Variants in FAM131A observed in about 807,000 individuals in gnomAD.
FAM131A encodes the protein protein FAM131A.
FAM131A carries 24 observed loss-of-function variants against 39.2 expected under a neutral mutation model. That is an observed-to-expected ratio of 0.61 (90% CI 0.44 to 0.86). The LOEUF (loss-of-function observed/expected upper bound fraction) is 0.86, where lower values mean the gene tolerates loss of function less well. Among genes scored for constraint, FAM131A ranks in the 40% least tolerant of loss-of-function variants. FAM131A has a pLI of 0.00. For missense variants in FAM131A, 373 were observed against 481.2 expected, an observed-to-expected ratio of 0.78 and a Z score of 2.10; for synonymous variants, 202 against 206.8, an observed-to-expected ratio of 0.98 and a Z score of 0.20.
chr3:184,344,984 T>G lies in FAM131A; in HGVS notation c.*14T>G, dbSNP rs2108549789. 1 of 1,511,772 alleles carries G rather than the reference T, an allele frequency of 6.6e-7. No homozygotes were observed. The highest frequency in any genetic ancestry group is 2.1e-5 in the Admixed American group (1 of 48,406). 93.6% of individuals were successfully genotyped at this position (1,511,772 alleles called of 1,614,324 possible). A position where few individuals can be genotyped will look rare whatever the true frequency, so the allele number is the denominator to read the frequency against. On this transcript the variant is annotated 3_prime_UTR_variant, in exon 6 of 6. Transcript: ENST00000383847. The stretch of plus-strand genomic sequence containing the variant: ...GAGGAACAGTGACCCACATCATGCC[T>G]GGCAGTGGCATGCATCCCCCGGCTG...
rs778542871 is a variant in FAM131A, at chr3:184,344,485, C to A, written c.626-10C>A. 9.9e-6 allele frequency: 15 copies of A among 1,515,672 alleles called. No individual in the cohort carries two copies. Among genetic ancestry groups the A allele is most frequent in the Non-Finnish European group, 1.2e-5 (14 of 1,133,018 alleles). 93.9% of individuals were successfully genotyped at this position (1,515,672 alleles called of 1,614,324 possible). Reference sequence around the variant, plus strand: ...CAGCAGGACTGTCTTCTTTTCTCTTCTCCTCACAGACATGGCTGGGCAGCT... The same window carrying A: ...CAGCAGGACTGTCTTCTTTTCTCTTATCCTCACAGACATGGCTGGGCAGCT... On this transcript the variant is annotated splice_polypyrimidine_tract_variant and intron_variant, in intron 5 of 5. Transcript: ENST00000383847.
intron 2 of FAM131A, chr3:184,339,552 T>C (rs7620978): frequency 0.78 from 119,546 of 152,326 alleles, 47,655 homozygotes; most frequent in African/African-American, 0.92. Flanking sequence ...CCTCTGCCTC[T>C]GGGGTTCAAG....
intron 2 of FAM131A, chr3:184,339,410 T>G (rs2108542307): frequency 6.6e-6 from 1 of 152,398 alleles, no homozygotes; most frequent in South Asian, 2.1e-4. Flanking sequence ...GGCGGGCTGC[T>G]TGCTGACAGG....
In FAM131A at chr3:184,342,238, C is replaced by T; in HGVS notation, c.498C>T (p.Arg166=). 1.9e-6 allele frequency: 3 copies of T among 1,604,002 alleles called. No individual in the cohort carries two copies. Among genetic ancestry groups the T allele is most frequent in the South Asian group, 2.2e-5 (2 of 90,518 alleles). ...SDLSEGEQEA[R]FAAGVAEQFA... ...TCAGCGAGGGCGAACAAGAGGCTCGCTTTGCAGCAGGTGGATGGCAGAAAG... is the reference window on the plus strand; with the variant it reads ...TCAGCGAGGGCGAACAAGAGGCTCGTTTTGCAGCAGGTGGATGGCAGAAAG... The change falls in exon 4 of 6, where the codon CGC becomes CGT. Residue 166 remains arginine (R), a synonymous_variant. Coordinates refer to ENST00000383847, the MANE Select transcript of FAM131A (RefSeq NM_144635.5). The surrounding 1 kb of genome is among the most constrained non-coding windows in gnomAD (Gnocchi z 4.6).
intron 1 of FAM131A, among the ~76,000 whole-genome samples, 179 bp from the exon 2 acceptor site, chr3:184,338,208 G>A (rs1177809726): frequency 6.6e-6 from 1 of 152,102 alleles, no homozygotes; most frequent in Non-Finnish European, 1.5e-5. Flanking sequence ...TGGCCCCAGG[G>A]GCCCGAGGGT....
Position 184,345,637 on chromosome 3 carries a change from G to T in FAM131A, c.*667G>T, listed in dbSNP as rs1442991698. 1.4e-6 allele frequency: 1 copy of T among 698,206 alleles called. No homozygotes were observed. The highest frequency in any genetic ancestry group is 2.0e-5 in the Admixed American group (1 of 49,050). The allele number at this position is 698,206 out of a possible 1,614,324, so 43.3% of individuals were successfully genotyped here. Reference sequence around the variant, plus strand: ...TCTGGGAGGCTTTGGAATGATGAAAGCATGTACCCTCCACCCTTTTCCTGG... The same window carrying T: ...TCTGGGAGGCTTTGGAATGATGAAATCATGTACCCTCCACCCTTTTCCTGG... On this transcript the variant is annotated 3_prime_UTR_variant, in exon 6 of 6. Coordinates refer to ENST00000383847, the MANE Select transcript of FAM131A (RefSeq NM_144635.5).
At chr3:184,341,147 C>A in intron 2 of FAM131A, 1 of 161,110 alleles carries the variant, frequency 6.2e-6, no homozygotes, top group South Asian at 1.8e-4. Context: ...GTCTTATCAA[C>A]AGATATGGGC....
upstream of FAM131A, among the ~76,000 whole-genome samples, chr3:184,336,660 G>A (rs559490706): frequency 2.0e-5 from 3 of 152,352 alleles, no homozygotes; most frequent in African/African-American, 4.8e-5. The surrounding 1 kb of genome is among the most constrained non-coding windows in gnomAD (Gnocchi z 5.5). Flanking sequence ...GTCAGTCGGC[G>A]AAGGGGGACT....
intron 2 of FAM131A, chr3:184,340,286 G>C (rs1160627563): frequency 6.8e-6 from 1 of 147,216 alleles, no homozygotes; most frequent in Non-Finnish European, 1.5e-5. Context: ...TTACAGGCGT[G>C]AGCCACCACG....
chr3:184,344,540 T>A lies in FAM131A; in HGVS notation c.671T>A (p.Phe224Tyr). Reference protein sequence around the residue: ...LPLGPHLQDLFTGHRFSRPVR... With the variant: ...LPLGPHLQDLYTGHRFSRPVR... The stretch of plus-strand genomic sequence containing the variant: ...CTGGGGCCGCACCTCCAGGACCTGT[T>A]CACCGGCCACCGGTTCTCCCGGCCT... The change falls in exon 6 of 6, where the codon TTC becomes TAC. Residue 224 changes from phenylalanine to tyrosine, a missense_variant. Transcript: ENST00000383847. 1 of 1,579,680 alleles carries A rather than the reference T, an allele frequency of 6.3e-7. No individual in the cohort carries two copies. The highest frequency in any genetic ancestry group is 8.6e-7 in the Non-Finnish European group (1 of 1,161,568).
rs1453192787 is a variant in FAM131A, at chr3:184,345,107, G to A, written c.*137G>A. 1 of 842,674 alleles carries A rather than the reference G, an allele frequency of 1.2e-6. No homozygotes were observed. Among genetic ancestry groups the A allele is most frequent in the Admixed American group, 3.1e-5 (1 of 31,792 alleles). 52.2% of individuals were successfully genotyped at this position (842,674 alleles called of 1,614,324 possible). Reference sequence around the variant, plus strand: ...TCCTGGGAGCGCTCGCTTCTCCGTTGTGTGTTTTGCATGAAAGTGTTTGGA... The same window carrying A: ...TCCTGGGAGCGCTCGCTTCTCCGTTATGTGTTTTGCATGAAAGTGTTTGGA... On this transcript the variant is annotated 3_prime_UTR_variant, in exon 6 of 6. Transcript: ENST00000383847.
Position 184,344,531 on chromosome 3 carries a change from A to G in FAM131A, c.662A>G (p.Gln221Arg). 6.4e-7 allele frequency: 1 copy of G among 1,569,386 alleles called. No homozygotes were observed. The highest frequency in any genetic ancestry group is 8.6e-7 in the Non-Finnish European group (1 of 1,156,218). ...AGQLPLGPHL[Q>R]DLFTGHRFSR... ...CAGCTGCCCCTGGGGCCGCACCTCC[A>G]GGACCTGTTCACCGGCCACCGGTTC... The change falls in exon 6 of 6, where the codon CAG becomes CGG. Residue 221 changes from glutamine to arginine, a missense_variant. Physicochemically the swap from Gln to Arg is conservative, Grantham distance 43. Around this residue, in one of 2 missense-constraint regions of FAM131A, gnomAD observed 221 missense variants for 347.7 expected, o/e 0.64. Transcript: ENST00000383847.
intron 5 of FAM131A, among the ~76,000 whole-genome samples, chr3:184,343,517 C>CCA (rs1301749749): frequency 6.6e-6 from 1 of 152,236 alleles, no homozygotes; most frequent in Non-Finnish European, 1.5e-5. Flanking sequence ...GTCTCACAGG[C>CCA]CACCATTCCC....
Position 184,342,893 on chromosome 3 carries a change from A to G in FAM131A, c.625+33A>G, listed in dbSNP as rs771348837. The G allele has an allele frequency of 1.1e-5, 17 of 1,561,974 alleles. No individual in the cohort carries two copies. Among genetic ancestry groups the G allele is most frequent in the Non-Finnish European group, 1.5e-5 (17 of 1,134,340 alleles). On this transcript the variant is annotated intron_variant, in intron 5 of 5. Coordinates refer to ENST00000383847, the MANE Select transcript of FAM131A (RefSeq NM_144635.5). This position sits in a 1 kb window ranked among gnomAD's most constrained non-coding sequence, Gnocchi z 4.6. ...ACATCCTGGGCTAGGGCTGTGGTGG[A>G]CCCACCTGATAGACCTTGGCATTCT... is the stretch of plus-strand genomic sequence containing the variant.
At chr3:184,341,284 T>G in intron 2 of FAM131A, 2 of 210,616 alleles carry the variant, frequency 9.5e-6, no homozygotes, top group South Asian at 7.4e-5. Flanking sequence ...GGTGTGGGGG[T>G]TTGGTTTCCA....
In FAM131A at chr3:184,337,652, G is replaced by T. The variant is rs1727180384; in HGVS notation, c.22G>T (p.Gly8Cys). Reference protein sequence around the residue: MPMISVLGKMFLWQREGP... With the variant: MPMISVLCKMFLWQREGP... ...CAGCATGCCTATGATTTCTGTGCTG[G>T]GCAAAATGTTTCTGTGGCAGCGTGA... The change falls in exon 1 of 6, where the codon GGC becomes TGC. Residue 8 changes from glycine to cysteine, a missense_variant. Around this residue, in one of 2 missense-constraint regions of FAM131A, gnomAD observed 221 missense variants for 347.7 expected, o/e 0.64. Transcript: ENST00000383847. 6.5e-7 allele frequency: 1 copy of T among 1,537,152 alleles called. No individual in the cohort carries two copies. Among genetic ancestry groups the T allele is most frequent in the Admixed American group, 2.0e-5 (1 of 50,980 alleles).
In FAM131A at chr3:184,345,457, C is replaced by G; in HGVS notation, c.*487C>G. On this transcript the variant is annotated 3_prime_UTR_variant, in exon 6 of 6. Coordinates refer to ENST00000383847, the MANE Select transcript of FAM131A (RefSeq NM_144635.5). Reference sequence around the variant, plus strand: ...CCACCTGGAGGGGCTGGCTCCTGCCCTCCCGGAGCCTATGGGTTGAGCCGT... The same window carrying G: ...CCACCTGGAGGGGCTGGCTCCTGCCGTCCCGGAGCCTATGGGTTGAGCCGT... 1.4e-6 allele frequency: 1 copy of G among 694,978 alleles called. No homozygotes were observed. The highest frequency in any genetic ancestry group is 2.6e-6 in the Non-Finnish European group (1 of 382,894). 43.1% of individuals were successfully genotyped at this position (694,978 alleles called of 1,614,324 possible).
intron 2 of FAM131A, chr3:184,340,050 G>A (rs1727303478): frequency 6.6e-6 from 1 of 152,202 alleles, no homozygotes; most frequent in African/African-American, 2.4e-5. Context: ...GGAGTGCAGT[G>A]GCACAATCTT....
chr3:184,345,316 CTGTG>C lies in FAM131A; in HGVS notation c.*349_*352del. On this transcript the variant is annotated 3_prime_UTR_variant, in exon 6 of 6. Coordinates refer to ENST00000383847, the MANE Select transcript of FAM131A (RefSeq NM_144635.5). ...AACCACTAAGGGGGTTGTGACTGGG[CTGTG>C]TGAGGGTGGGGTGGGAGGGGGCCCA... 1 of 492,994 alleles carries C rather than the reference CTGTG, an allele frequency of 2.0e-6. No individual in the cohort carries two copies. 30.5% of individuals were successfully genotyped at this position (492,994 alleles called of 1,614,324 possible). A position where few individuals can be genotyped will look rare whatever the true frequency, so the allele number is the denominator to read the frequency against.
Sources: allele counts gnomAD v4.1 joint callset (sites outside exome capture counted in the v4.1 genomes callset), GRCh38; gene constraint gnomAD v4.1.1; regional missense constraint gnomAD v4.1.1; non-coding constraint Gnocchi (gnomAD v3.1); transcripts MANE v1.5; gene names NCBI Gene and HGNC (gene_info 2026-07-23, HGNC 2026-07-21).